Variants in DDI2 observed in about 807,000 individuals in gnomAD.
DDI2 encodes the protein DDI proteasomal shuttling factor 2, also known as protein DDI1 homolog 2.
Under a neutral mutation model 48.1 loss-of-function variants are expected in DDI2, and 5 were observed. That is an observed-to-expected ratio of 0.10 (90% CI 0.05 to 0.22). The LOEUF is 0.22. Among genes scored for constraint, DDI2 ranks in the 10% least tolerant of loss-of-function variants. DDI2 has a pLI of 1.00. For synonymous variants in DDI2, 205 were observed against 183.6 expected (o/e 1.12, Z -0.94); for missense variants, 285 against 506.2 (o/e 0.56, Z 4.19).
chr1:15,640,803 A>G (rs1254037591), intron 5 of DDI2, among the ~76,000 whole-genome samples: 2 of 152,164 alleles, frequency 1.3e-5, no homozygotes, highest in Non-Finnish European at 2.9e-5. Context: ...TATTACTTAT[A>G]AAGTGTAGGG....
rs141416759 is a variant in DDI2 at position 15,653,417 on chromosome 1, C to T, written c.1183+1522C>T. On this transcript the variant is annotated intron_variant, in intron 8 of 9. Transcript: ENST00000480945. Reference sequence around the variant, plus strand: ...CTCGCCTCCGCCTCCCAAAGTATTACAGGCATGAGCCACCATGCCTCTTAG... The same window carrying T: ...CTCGCCTCCGCCTCCCAAAGTATTATAGGCATGAGCCACCATGCCTCTTAG... 8.9e-4 allele frequency among the ~76,000 whole-genome samples: 135 copies of T among 152,180 alleles called. 2 individuals carry two copies. The East Asian group carries it at 0.023, about 25-fold the overall frequency.
chr1:15,656,583 C>A (rs933163045), intron 8 of DDI2, 34 bp from the exon 9 acceptor site: 16 of 1,614,014 alleles, frequency 9.9e-6, no homozygotes, highest in Non-Finnish European at 1.4e-5. Context: ...CATTGTTAAC[C>A]CAAGTTTGCT....
chr1:15,651,820 A>G lies in DDI2; in HGVS notation c.1108A>G (p.Arg370Gly), dbSNP rs1195759721. 1.2e-6 allele frequency: 2 copies of G among 1,613,972 alleles called. No individual in the cohort carries two copies. Among genetic ancestry groups the G allele is most frequent in the Non-Finnish European group, 1.7e-6 (2 of 1,179,930 alleles). ...ECARLAYGAG[R>G]EDVRPEEIAD... ...TGCCCGGTTGGCATATGGGGCTGGA[A>G]GAGAGGATGTACGGCCAGAGGAGAT... is the stretch of plus-strand genomic sequence containing the variant. The change falls in exon 8 of 10, where the codon AGA becomes GGA. Residue 370 changes from arginine (R) to glycine (G), a missense_variant. This residue lies in a region of DDI2 where 66 missense variants were observed against 87.3 expected (regional missense o/e 0.76). Coordinates refer to ENST00000480945, the MANE Select transcript of DDI2 (RefSeq NM_032341.5).
intron 2 of DDI2, 54 bp from the exon 3 acceptor site, chr1:15,630,271 A>G (rs2103464908): frequency 6.4e-7 from 1 of 1,557,876 alleles, no homozygotes; most frequent in East Asian, 2.2e-5. Context: ...GTTTCCTTCA[A>G]GTGCTTGTTT....
chr1:15,650,846 C>CTATT (rs370118711), intron 7 of DDI2, among the ~76,000 whole-genome samples: 439 of 151,960 alleles, frequency 2.9e-3, no homozygotes, highest in Non-Finnish European at 4.4e-3. Flanking sequence ...ACACAGCATT[C>CTATT]TATTTATTTA....
At chr1:15,643,133 C>A (rs1640035885) in intron 5 of DDI2, among the ~76,000 whole-genome samples, 1 of 152,052 alleles carries the variant, frequency 6.6e-6, no homozygotes, top group Admixed American at 6.6e-5. Flanking sequence ...ACTCAGGAGG[C>A]TGACGCAGGA....
At position 15,617,630 on chromosome 1, in the gene DDI2, A is replaced by AGGACG; in HGVS notation, c.-39_-38insACGGG. On this transcript the variant is annotated 5_prime_UTR_variant, in exon 1 of 10. Coordinates refer to ENST00000480945, the MANE Select transcript of DDI2 (RefSeq NM_032341.5). ...GCCTCTTCCCCTGCGCCCCGCGCCC[A>AGGACG]GGCCGGGCCGAGCCGAGCCGAGCCG... 3 of 1,322,606 alleles carry AGGACG rather than the reference A, an allele frequency of 2.3e-6. No homozygotes were observed. Among genetic ancestry groups the AGGACG allele is most frequent in the Non-Finnish European group, 2.9e-6 (3 of 1,028,056 alleles). 81.9% of individuals were successfully genotyped at this position (1,322,606 alleles called of 1,614,324 possible).
At chr1:15,651,044 G>A (rs987437296) in intron 7 of DDI2, among the ~76,000 whole-genome samples, 2 of 151,940 alleles carry the variant, frequency 1.3e-5, no homozygotes, top group Admixed American at 6.6e-5. Flanking sequence ...TAGTAGAGAC[G>A]GGGTTTCACC....
In DDI2 at chr1:15,663,060, T is replaced by C. The variant is rs952062480; in HGVS notation, c.*3270T>C. On this transcript the variant is annotated 3_prime_UTR_variant, in exon 10 of 10. Transcript: ENST00000480945. ...ACTGGATAGGTTTTAGATAATTCTT[T>C]CCTGGCAAACTGCTCTTTTGGGTAC... The C allele has an allele frequency of 2.0e-5, 3 of 152,222 alleles. No homozygotes were observed. Among genetic ancestry groups the C allele is most frequent in the Non-Finnish European group, 2.9e-5 (2 of 68,040 alleles). 9.4% of individuals were successfully genotyped at this position (152,222 alleles called of 1,614,324 possible).
At chr1:15,640,872 A>G (rs990910965) in intron 5 of DDI2, among the ~76,000 whole-genome samples, 1 of 152,192 alleles carries the variant, frequency 6.6e-6, no homozygotes, top group African/African-American at 2.4e-5. Flanking sequence ...AGGTCATTGC[A>G]AAAGGGCAGT....
At chr1:15,655,095 CAT>C (rs982444817) in intron 8 of DDI2, among the ~76,000 whole-genome samples, 1 of 152,028 alleles carries the variant, frequency 6.6e-6, no homozygotes, top group Non-Finnish European at 1.5e-5. Context: ...AACAGATACA[CAT>C]ATGTTTCCAG....
In DDI2 at chr1:15,661,611, C is replaced by T. The variant is rs1640381836; in HGVS notation, c.*1821C>T. 6.2e-7 allele frequency: 1 copy of T among 1,614,156 alleles called. No homozygotes were observed. The highest frequency in any genetic ancestry group is 8.5e-7 in the Non-Finnish European group (1 of 1,180,032). ...CTGCCACAGATATTGACCGCATTCT[C>T]CGTGCTGGCTTTACTTTGCAGGAAG... On this transcript the variant is annotated 3_prime_UTR_variant, in exon 10 of 10. Transcript: ENST00000480945.
rs575930926 is a variant in DDI2, at chr1:15,618,549, A to G, written c.138+741A>G. 9.8e-4 allele frequency among the ~76,000 whole-genome samples: 150 copies of G among 152,328 alleles called. 1 individual carries two copies. Among genetic ancestry groups the G allele is most frequent in the South Asian group, 8.5e-3 (41 of 4,826 alleles). ...AGAGTTTGGGTCAGTTCAAAGCTCA[A>G]TGCTTTAAAAGGATATTTGCTTGGA... On this transcript the variant is annotated intron_variant, in intron 1 of 9. Transcript: ENST00000480945.
intron 7 of DDI2, among the ~76,000 whole-genome samples, chr1:15,650,316 C>A (rs567727413): frequency 6.6e-6 from 1 of 152,216 alleles, no homozygotes; most frequent in East Asian, 1.9e-4. Context: ...CTCTAAAGCA[C>A]AATAATTTGA....
intron 8 of DDI2, among the ~76,000 whole-genome samples, chr1:15,652,157 C>G (rs1439580436): frequency 1.3e-5 from 2 of 148,294 alleles, no homozygotes; most frequent in African/African-American, 5.0e-5. Context: ...TCACTGCACC[C>G]TTGACTTCCT....
At chr1:15,647,976 T>C (rs144153444) in intron 6 of DDI2, among the ~76,000 whole-genome samples, 1 of 152,198 alleles carries the variant, frequency 6.6e-6, no homozygotes, top group Non-Finnish European at 1.5e-5. Flanking sequence ...AAAAAAATTT[T>C]TTTTTACAAA....
rs1557628330 is a variant in DDI2, at chr1:15,665,747, G to A, written c.*5957G>A. The A allele has an allele frequency of 1.3e-5, 2 of 152,088 alleles. No individual in the cohort carries two copies. Among genetic ancestry groups the A allele is most frequent in the Non-Finnish European group, 2.9e-5 (2 of 68,034 alleles). The allele number at this position is 152,088 out of a possible 1,614,324, so 9.4% of individuals were successfully genotyped here. ...TAAATATATATATATATAGCAAACA[G>A]CCTTGCAAATCATCGGCCAGAAAAG... On this transcript the variant is annotated 3_prime_UTR_variant, in exon 10 of 10. Coordinates refer to ENST00000480945, the MANE Select transcript of DDI2 (RefSeq NM_032341.5).
chr1:15,632,929 TTTAAAAA>T (rs1209625047), intron 3 of DDI2, among the ~76,000 whole-genome samples: 1 of 121,592 alleles, frequency 8.2e-6, no homozygotes, highest in African/African-American at 3.3e-5. Flanking sequence ...TTTTTTTTTT[TTTAAAAA>T]AAAAAAAACA....
chr1:15,652,788 A>C (rs961322239), intron 8 of DDI2, among the ~76,000 whole-genome samples: 1 of 151,810 alleles, frequency 6.6e-6, no homozygotes, highest in Non-Finnish European at 1.5e-5. Context: ...GCACCACTGC[A>C]CTCCAGCCTG....
Sources: allele counts gnomAD v4.1 joint callset (sites outside exome capture counted in the v4.1 genomes callset), GRCh38; gene constraint gnomAD v4.1.1; regional missense constraint gnomAD v4.1.1; transcripts MANE v1.5; gene names NCBI Gene and HGNC (gene_info 2026-07-23, HGNC 2026-07-21).